Variants in DPP6 observed in about 807,000 individuals in gnomAD.
The protein encoded by DPP6 is dipeptidyl peptidase like 6.
A neutral mutation model predicts 122.6 loss-of-function variants in DPP6; 69 were observed. The observed-to-expected ratio is 0.56, with a 90% confidence interval of 0.46 to 0.69. DPP6 has a LOEUF of 0.69. Among genes scored for constraint, DPP6 ranks in the 30% least tolerant of loss-of-function variants. DPP6 has a pLI of 0.00. For missense variants in DPP6, 928 were observed against 1,116.9 expected, an observed-to-expected ratio of 0.83 and a Z score of 2.41; for synonymous variants, 418 against 433.1, an observed-to-expected ratio of 0.97 and a Z score of 0.43.
intron 1 of DPP6, among the ~76,000 whole-genome samples, chr7:153,977,270 C>T (rs1215141527): frequency 2.0e-5 from 3 of 151,746 alleles, no homozygotes; most frequent in African/African-American, 7.3e-5. Context: ...ACCATGACTA[C>T]GTTTGTGTGC....
intron 1 of DPP6, among the ~76,000 whole-genome samples, chr7:154,414,610 G>A (rs1161809318): frequency 6.6e-6 from 1 of 152,092 alleles, no homozygotes; most frequent in Non-Finnish European, 1.5e-5. Context: ...TCATTCCTCA[G>A]AGCTGCGTTT....
chr7:154,779,124 C>T (rs558170212), intron 10 of DPP6, among the ~76,000 whole-genome samples: 1 of 100,194 alleles, frequency 1.0e-5, no homozygotes, highest in African/African-American at 3.9e-5. Flanking sequence ...ATCACCACCA[C>T]TATCACCGCT....
intron 4 of DPP6, among the ~76,000 whole-genome samples, chr7:154,554,044 A>G (rs73163088): frequency 0.13 from 19,451 of 152,022 alleles, 1,593 homozygotes; most frequent in Non-Finnish European, 0.18. Context: ...TCTGCTCTAT[A>G]GCATCTATGT....
At chr7:153,843,682 T>G in the DPP6 span, among the ~76,000 whole-genome samples, 1 of 152,170 alleles carries the variant, frequency 6.6e-6, no homozygotes, top group African/African-American at 2.4e-5. Flanking sequence ...ACATCTGTAT[T>G]CAGAAGTACA....
At chr7:154,718,515 C>A (rs979487519) in intron 7 of DPP6, among the ~76,000 whole-genome samples, 17 of 151,784 alleles carry the variant, frequency 1.1e-4, no homozygotes, top group East Asian at 3.9e-4. Flanking sequence ...AAGTTCAGCC[C>A]TTTGCTCTGA....
At chr7:154,438,503 G>GA (rs1013028153) in intron 1 of DPP6, among the ~76,000 whole-genome samples, 1 of 96,320 alleles carries the variant, frequency 1.0e-5, no homozygotes. Context: ...AAAAAGAAAA[G>GA]AAAAAAAGAA....
At chr7:154,371,399 A>AAG (rs1426474488) in intron 1 of DPP6, among the ~76,000 whole-genome samples, 4 of 134,076 alleles carry the variant, frequency 3.0e-5, no homozygotes, top group African/African-American at 6.9e-5. Context: ...AAAAAAAAAA[A>AAG]AAAAAGAAAG....
intron 8 of DPP6, among the ~76,000 whole-genome samples, chr7:154,734,066 G>T (rs756807344): frequency 5.9e-5 from 9 of 152,212 alleles, no homozygotes; most frequent in Non-Finnish European, 1.0e-4. Context: ...AGCCTTGGAC[G>T]GTTCGACGCA....
chr7:154,796,468 T>G (rs570333715), intron 12 of DPP6, among the ~76,000 whole-genome samples: 1 of 152,312 alleles, frequency 6.6e-6, no homozygotes, highest in East Asian at 1.9e-4. Context: ...CTGAGACAAT[T>G]TTTTCTAAAT....
the DPP6 span, among the ~76,000 whole-genome samples, chr7:153,752,257 T>G: frequency 6.6e-6 from 1 of 150,916 alleles, no homozygotes; most frequent in Non-Finnish European, 1.5e-5. Flanking sequence ...CAGCCTCTTT[T>G]TTTTTTTTTT....
chr7:153,968,572 A>T (rs1212126853), intron 1 of DPP6: 2 of 151,730 alleles, frequency 1.3e-5, no homozygotes, highest in Non-Finnish European at 2.9e-5. Context: ...ACCTCAGAAG[A>T]GAAACTTCAA....
chr7:153,979,894 C>G (rs561073488), intron 1 of DPP6, among the ~76,000 whole-genome samples: 1 of 152,134 alleles, frequency 6.6e-6, no homozygotes, highest in African/African-American at 2.4e-5. Context: ...AGAGTTGAAG[C>G]CGAGTTGATC....
chr7:154,000,708 G>A (rs1299218767), intron 1 of DPP6, among the ~76,000 whole-genome samples: 2 of 152,014 alleles, frequency 1.3e-5, no homozygotes, highest in African/African-American at 2.4e-5. Context: ...AATAGCTGAC[G>A]TTTCCTGGAT....
upstream of DPP6, among the ~76,000 whole-genome samples, chr7:153,886,882 A>G (rs1414790902): frequency 6.6e-6 from 1 of 151,988 alleles, no homozygotes; most frequent in Non-Finnish European, 1.5e-5. Context: ...GCCGATCAAT[A>G]GTTAACACCC....
chr7:154,722,086 C>A lies in DPP6; in HGVS notation c.763-5681C>A, dbSNP rs531962087. 3.0e-4 allele frequency among the ~76,000 whole-genome samples: 45 copies of A among 152,084 alleles called. No homozygotes were observed. The East Asian group carries it at 7.9e-3, about 27-fold the overall frequency. On this transcript the variant is annotated intron_variant, in intron 7 of 25. Transcript: ENST00000377770. The stretch of plus-strand genomic sequence containing the variant: ...GGTGTGTGCCTGTGGTCCCAGCTAC[C>A]TGGGAGGCTGAGGCAGGAGGATTGC...
chr7:154,041,439 TG>T (rs1230273802), intron 1 of DPP6, among the ~76,000 whole-genome samples: 45 of 152,344 alleles, frequency 3.0e-4, no homozygotes, highest in African/African-American at 9.6e-4. Flanking sequence ...AACAACTGAT[TG>T]GCCCTCTCGG....
chr7:154,705,803 TAA>T (rs1840797914), intron 7 of DPP6, among the ~76,000 whole-genome samples: 1 of 152,258 alleles, frequency 6.6e-6, no homozygotes. Flanking sequence ...AATACTATCT[TAA>T]GTCATTAATC....
At chr7:154,619,660 G>C (rs1834508489) in intron 5 of DPP6, among the ~76,000 whole-genome samples, 1 of 152,216 alleles carries the variant, frequency 6.6e-6, no homozygotes, top group Non-Finnish European at 1.5e-5. Flanking sequence ...AAAGCCCACA[G>C]CACCAAGGTT....
At chr7:153,891,170 C>T (rs556593959) in intron 1 of DPP6, among the ~76,000 whole-genome samples, 126 of 151,710 alleles carry the variant, frequency 8.3e-4, no homozygotes, top group African/African-American at 2.8e-3. Context: ...TACAGGCGCC[C>T]ACCACCATGC....
Sources: allele counts gnomAD v4.1 joint callset (sites outside exome capture counted in the v4.1 genomes callset), GRCh38; gene constraint gnomAD v4.1.1; transcripts MANE v1.5; gene names NCBI Gene and HGNC (gene_info 2026-07-23, HGNC 2026-07-21).